Variants in SSH2 observed in about 807,000 individuals in gnomAD.
The protein encoded by SSH2 is slingshot protein phosphatase 2.
A neutral mutation model predicts 135.2 loss-of-function variants in SSH2; 37 were observed. The ratio of observed to expected loss-of-function variants is 0.27; its 90% CI spans 0.21 to 0.36. SSH2 has a LOEUF of 0.36. Among genes scored for constraint, SSH2 ranks in the 10% least tolerant of loss-of-function variants. SSH2 has a pLI of 1.00. For missense variants in SSH2, 1,408 were observed against 1,765.3 expected (o/e 0.80, Z 3.63); for synonymous variants, 628 against 646.2 (o/e 0.97, Z 0.43).
intron 1 of SSH2, among the ~76,000 whole-genome samples, chr17:29,857,577 C>T (rs1394417949): frequency 3.3e-5 from 5 of 152,090 alleles, no homozygotes; most frequent in Non-Finnish European, 7.3e-5. Flanking sequence ...GAAGCCTGGA[C>T]CTCTCAGGCT....
At chr17:29,716,903 C>G (rs771829755) in intron 3 of SSH2, among the ~76,000 whole-genome samples, 8 of 152,084 alleles carry the variant, frequency 5.3e-5, no homozygotes, top group Non-Finnish European at 7.4e-5. Context: ...GACAAAGACC[C>G]CTTTAGCTTA....
At chr17:29,862,465 A>G (rs2065781114) in intron 1 of SSH2, among the ~76,000 whole-genome samples, 1 of 152,234 alleles carries the variant, frequency 6.6e-6, no homozygotes, top group South Asian at 2.1e-4. Flanking sequence ...CTTTGTATGT[A>G]GGTATAATTA....
At chr17:29,868,851 TG>T (rs1427765936) in intron 1 of SSH2, among the ~76,000 whole-genome samples, 2 of 152,018 alleles carry the variant, frequency 1.3e-5, no homozygotes, top group Non-Finnish European at 2.9e-5. Flanking sequence ...GGAGAAAAAT[TG>T]GCAGACTTTT....
intron 5 of SSH2, among the ~76,000 whole-genome samples, chr17:29,692,489 G>A (rs2038529835): frequency 6.6e-6 from 1 of 152,222 alleles, no homozygotes; most frequent in East Asian, 1.9e-4. Context: ...TTTTATAAAT[G>A]TAAAGCAGCT....
In SSH2 at chr17:29,628,328, T is replaced by C. The variant is rs1321657777; in HGVS notation, c.*2513A>G. ...CTTTCCTCTGCTCTTGAAAATTTTT[T>C]TTCCCCACAGTATTAGTGGGTTTTG... is the stretch of plus-strand genomic sequence containing the variant. On this transcript the variant is annotated 3_prime_UTR_variant, in exon 16 of 16. Coordinates refer to ENST00000540801, the MANE Select transcript of SSH2 (RefSeq NM_001282129.2). The C allele has an allele frequency of 2.0e-5, 3 of 152,246 alleles. No individual in the cohort carries two copies. The highest frequency in any genetic ancestry group is 7.2e-5 in the African/African-American group (3 of 41,464). 9.4% of individuals were successfully genotyped at this position (152,246 alleles called of 1,614,324 possible).
rs368305391 is a variant in SSH2, at chr17:29,793,987, CATA to C, written c.145-53_145-51del. The C allele has an allele frequency of 4.3e-4, 549 of 1,279,264 alleles. 1 individual carries two copies. The African/African-American group carries it at 6.9e-3, about 16-fold the overall frequency. 79.2% of individuals were successfully genotyped at this position (1,279,264 alleles called of 1,614,324 possible). ...AAAATTAAAACCTGAGGTTTCATAT[CATA>C]ATATCACTAATATAATTTTACTAAG... On this transcript the variant is annotated intron_variant, in intron 2 of 15. Transcript: ENST00000540801.
chr17:29,891,854 T>C (rs565281610), intron 1 of SSH2, among the ~76,000 whole-genome samples: 12 of 152,318 alleles, frequency 7.9e-5, no homozygotes, highest in Non-Finnish European at 1.8e-4. Flanking sequence ...GAACCTTATG[T>C]TCTGACTAGC....
At chr17:29,709,876 T>C (rs1404397018) in intron 3 of SSH2, among the ~76,000 whole-genome samples, 1 of 152,178 alleles carries the variant, frequency 6.6e-6, no homozygotes, top group African/African-American at 2.4e-5. Context: ...GGAATGACAG[T>C]GGCATCTCAG....
chr17:29,852,139 AG>A (rs1405888187), intron 1 of SSH2, among the ~76,000 whole-genome samples: 1 of 151,660 alleles, frequency 6.6e-6, no homozygotes. Flanking sequence ...AAAATTAGCC[AG>A]GTGTGGTGGT....
rs765417951 is a variant in SSH2 at position 29,631,101 on chromosome 17, G to T, written c.4093C>A (p.Pro1365Thr). ...TTTECIVQSK[P>T]VERPLVQYAK... ...TACTGCACAAGGGGCCTCTCCACTG[G>T]CTTGCTCTGCACAATACACTCTGTT... is the stretch of plus-strand genomic sequence containing the variant. The change falls in exon 16 of 16, where the codon CCA (proline) becomes ACA (threonine). Residue 1365 changes from proline to threonine, a missense_variant. This residue lies in a region of SSH2 where 1,080 missense variants were observed against 1,144.5 expected (regional missense o/e 0.94). Coordinates refer to ENST00000540801, the MANE Select transcript of SSH2 (RefSeq NM_001282129.2). 1.2e-6 allele frequency: 2 copies of T among 1,614,088 alleles called. No individual in the cohort carries two copies. The highest frequency in any genetic ancestry group is 2.7e-5 in the African/African-American group (2 of 74,922).
intron 4 of SSH2, among the ~76,000 whole-genome samples, chr17:29,701,889 A>ATT (rs35686014): frequency 2.1e-3 from 266 of 129,152 alleles, no homozygotes; most frequent in South Asian, 6.3e-3. Context: ...CTAATTTAAA[A>ATT]TTTTTTTTTT....
chr17:29,634,727 A>G (rs1431749240), intron 15 of SSH2, among the ~76,000 whole-genome samples: 2 of 150,594 alleles, frequency 1.3e-5, no homozygotes, highest in South Asian at 2.1e-4. Flanking sequence ...TCATTTTTGT[A>G]TTTTTAGTAG....
At chr17:29,870,929 GA>G (rs1401551474) in intron 1 of SSH2, among the ~76,000 whole-genome samples, 5 of 152,174 alleles carry the variant, frequency 3.3e-5, no homozygotes, top group African/African-American at 1.2e-4. Context: ...GGTCAGAATG[GA>G]ATCTTTCATG....
At chr17:29,761,930 G>C (rs1334850938) in intron 3 of SSH2, among the ~76,000 whole-genome samples, 5 of 149,864 alleles carry the variant, frequency 3.3e-5, no homozygotes, top group Admixed American at 6.7e-5. Flanking sequence ...GCCCAGGCTG[G>C]AATGCAATGG....
At chr17:29,874,390 G>T (rs1399223800) in intron 1 of SSH2, among the ~76,000 whole-genome samples, 1 of 152,164 alleles carries the variant, frequency 6.6e-6, no homozygotes, top group Non-Finnish European at 1.5e-5. Context: ...GTTAGGCTTT[G>T]ATATGGGTCC....
rs755526766 is a variant in SSH2, at chr17:29,676,876, A to G, written c.558T>C (p.Ser186=). ...LIHLDGDGGF[S]VSTDNRVHIF... ...TGTGAACTCTGTTATCCGTCGATAC[A>G]CTGAACCCACTAAGGACAAATGAGA... Residue 186 remains serine (S), a synonymous_variant, in exon 8 of 16, where the codon AGT becomes AGC. Coordinates refer to ENST00000540801, the MANE Select transcript of SSH2 (RefSeq NM_001282129.2). 2.0e-5 allele frequency: 32 copies of G among 1,613,698 alleles called. No individual in the cohort carries two copies. In the Admixed American group the frequency reaches 2.2e-4, roughly 11 times the overall value.
In SSH2 at chr17:29,630,818, A is replaced by C; in HGVS notation, c.*23T>G. On this transcript the variant is annotated 3_prime_UTR_variant, in exon 16 of 16. Transcript: ENST00000540801. ...CCCTTTTACAAACATTTCTTCTAGA[A>C]AGTCACATGTGTAGGCTCAGAATCA... 1 of 1,513,318 alleles carries C rather than the reference A, an allele frequency of 6.6e-7. No homozygotes were observed. 93.7% of individuals were successfully genotyped at this position (1,513,318 alleles called of 1,614,324 possible). A position where few individuals can be genotyped will look rare whatever the true frequency, so the allele number is the denominator to read the frequency against.
chr17:29,850,085 C>A (rs1218503363), intron 1 of SSH2, among the ~76,000 whole-genome samples: 3 of 146,568 alleles, frequency 2.0e-5, no homozygotes, highest in Non-Finnish European at 3.0e-5. Context: ...AGTCCCCCAA[C>A]AGGCACCAGA....
intron 1 of SSH2, among the ~76,000 whole-genome samples, chr17:29,913,573 T>C (rs2151477431): frequency 6.6e-6 from 1 of 150,598 alleles, no homozygotes; most frequent in Non-Finnish European, 1.5e-5. Context: ...GGAAGCAATA[T>C]TTATGAATAA....
Sources: gnomAD v4.1 joint callset for allele counts (sites outside exome capture counted in the v4.1 genomes callset) on GRCh38, gnomAD v4.1.1 for gene constraint, gnomAD v4.1.1 regional missense constraint, MANE v1.5 for transcripts, NCBI Gene and HGNC (gene_info 2026-07-23, HGNC 2026-07-21) for gene names.